Variants in PPDPFL observed in about 807,000 individuals in gnomAD.
PPDPFL encodes the protein pancreatic progenitor cell differentiation and proliferation factor like.
Under a neutral mutation model 12.6 loss-of-function variants are expected in PPDPFL, and 12 were observed. That is an observed-to-expected ratio of 0.95 (90% CI 0.61 to 1.54). The LOEUF (loss-of-function observed/expected upper bound fraction) is 1.54. PPDPFL is among the 40% of genes most tolerant of loss of function. The pLI, the probability that PPDPFL is intolerant of heterozygous loss-of-function variation, is 0.00. For missense variants in PPDPFL, 114 were observed against 96.0 expected (o/e 1.19, Z -0.78); for synonymous variants, 24 against 32.7 (o/e 0.73, Z 0.91).
At chr8:49,058,024 T>A (rs1055744122) in intron 1 of PPDPFL, among the ~76,000 whole-genome samples, 2 of 152,192 alleles carry the variant, frequency 1.3e-5, no homozygotes, top group Admixed American at 6.5e-5. Context: ...CTGTTTTCCT[T>A]ACCTCAGCAC....
chr8:49,067,266 CAG>C (rs1808314114), intron 1 of PPDPFL, among the ~76,000 whole-genome samples: 1 of 152,116 alleles, frequency 6.6e-6, no homozygotes, highest in African/African-American at 2.4e-5. Flanking sequence ...TGAAATGAAA[CAG>C]TGTTTTAATG....
At chr8:49,069,511 A>G (rs1808346453), upstream of PPDPFL, among the ~76,000 whole-genome samples, 1 of 152,266 alleles carries the variant, frequency 6.6e-6, no homozygotes, top group African/African-American at 2.4e-5. Context: ...GGTTGCAGAG[A>G]AAAAGGAACG....
chr8:49,066,602 C>T (rs1585673460), intron 1 of PPDPFL, among the ~76,000 whole-genome samples: 1 of 152,268 alleles, frequency 6.6e-6, no homozygotes, highest in East Asian at 1.9e-4. Context: ...GAGCCCCAGT[C>T]TCTCATCCCC....
At chr8:49,057,335 C>T (rs1010725301) in intron 1 of PPDPFL, among the ~76,000 whole-genome samples, 3 of 152,018 alleles carry the variant, frequency 2.0e-5, no homozygotes, top group African/African-American at 7.2e-5. Flanking sequence ...CCTAATAAGC[C>T]ATAAGCACTT....
chr8:49,064,739 A>G (rs917432534), intron 1 of PPDPFL, among the ~76,000 whole-genome samples: 2 of 152,206 alleles, frequency 1.3e-5, no homozygotes, highest in African/African-American at 2.4e-5. Flanking sequence ...AATCAGATGC[A>G]CTCTGCATTT....
At chr8:49,058,073 A>G (rs1425379361) in intron 1 of PPDPFL, among the ~76,000 whole-genome samples, 1 of 152,206 alleles carries the variant, frequency 6.6e-6, no homozygotes, top group Non-Finnish European at 1.5e-5. Flanking sequence ...CACCTCCTAC[A>G]TTTTATTAGC....
rs537803862 is a variant in PPDPFL, at chr8:49,075,530, T to A, written c.*357T>A. The A allele has an allele frequency of 9.5e-5, 48 of 507,312 alleles. No individual in the cohort carries two copies. The highest frequency in any genetic ancestry group is 8.8e-4 in the African/African-American group (46 of 52,288). 31.4% of individuals were successfully genotyped at this position (507,312 alleles called of 1,614,324 possible). ...CCTTTTAAAGTAATATGTCTTCAAATGTTGTGACTTACATAAAGTAGCTCT... is the reference window on the plus strand; with the variant it reads ...CCTTTTAAAGTAATATGTCTTCAAAAGTTGTGACTTACATAAAGTAGCTCT... On this transcript the variant is annotated 3_prime_UTR_variant, in exon 5 of 5. Transcript: ENST00000522267.
chr8:49,063,622 G>A (rs780895399), intron 1 of PPDPFL, among the ~76,000 whole-genome samples: 1 of 152,034 alleles, frequency 6.6e-6, no homozygotes, highest in Non-Finnish European at 1.5e-5. Context: ...TGAGGCTCAG[G>A]CAAGAAGATC....
intron 1 of PPDPFL, among the ~76,000 whole-genome samples, chr8:49,056,930 T>G (rs1359431811): frequency 1.3e-5 from 2 of 152,142 alleles, no homozygotes; most frequent in African/African-American, 4.8e-5. Context: ...CCTTGCAAAA[T>G]TTTTCACCCT....
At chr8:49,068,478 C>T (rs572707063), upstream of PPDPFL, among the ~76,000 whole-genome samples, 1 of 152,242 alleles carries the variant, frequency 6.6e-6, no homozygotes, top group South Asian at 2.1e-4. Flanking sequence ...ACAACTGTGA[C>T]AGAATGCACA....
At chr8:49,059,228 G>A (rs1808157970) in intron 1 of PPDPFL, among the ~76,000 whole-genome samples, 1 of 152,104 alleles carries the variant, frequency 6.6e-6, no homozygotes, top group Non-Finnish European at 1.5e-5. Context: ...GATGTGGTGT[G>A]TTGTGGTGTG....
intron 1 of PPDPFL, among the ~76,000 whole-genome samples, chr8:49,061,441 C>T (rs540780082): frequency 5.9e-5 from 9 of 152,216 alleles, no homozygotes; most frequent in East Asian, 1.9e-4. Flanking sequence ...CACAGTTGGC[C>T]GTATTTTATT....
At chr8:49,065,725 C>A (rs999131725) in intron 1 of PPDPFL, among the ~76,000 whole-genome samples, 16 of 152,162 alleles carry the variant, frequency 1.1e-4, no homozygotes, top group African/African-American at 3.9e-4. Flanking sequence ...AATGACTGGG[C>A]CTGCTTAGCA....
At chr8:49,074,016 G>A (rs771822734) in intron 2 of PPDPFL, 43 bp from the exon 3 acceptor site, 1 of 1,331,452 alleles carries the variant, frequency 7.5e-7, no homozygotes, top group East Asian at 2.3e-5. Context: ...TGCTTGTCTG[G>A]TTGCCAGTTA....
rs550934468 is a variant in PPDPFL at position 49,074,638 on chromosome 8, T to C, written c.233+305T>C. The stretch of plus-strand genomic sequence containing the variant: ...AGAATCAGAGGAAAGGGTCTAAATT[T>C]GTTTTGCTCATACCTTCAGGAAAAG... On this transcript the variant is annotated intron_variant, in intron 4 of 4. Coordinates refer to ENST00000522267, the MANE Select transcript of PPDPFL (RefSeq NM_001256597.2). 5.4e-5 allele frequency: 83 copies of C among 1,532,074 alleles called. No homozygotes were observed. In the African/African-American group the frequency reaches 1.0e-3, roughly 19 times the overall value. 94.9% of individuals were successfully genotyped at this position (1,532,074 alleles called of 1,614,324 possible).
At position 49,072,947 on chromosome 8, in the gene PPDPFL, T is replaced by C. The variant is rs1808419870; in HGVS notation, c.55+62T>C. On this transcript the variant is annotated intron_variant, in intron 2 of 4. Transcript: ENST00000522267. The stretch of plus-strand genomic sequence containing the variant: ...ATGATTTGAGGTGATGTTTGTGGGA[T>C]ATTGTTAACACAGGTATCATGTTAC... 7 of 1,388,932 alleles carry C rather than the reference T, an allele frequency of 5.0e-6. No homozygotes were observed. In the South Asian group the frequency reaches 7.3e-5, roughly 15 times the overall value. 86.0% of individuals were successfully genotyped at this position (1,388,932 alleles called of 1,614,324 possible).
chr8:49,070,319 G>T (rs112995298), upstream of PPDPFL, among the ~76,000 whole-genome samples: 7 of 152,070 alleles, frequency 4.6e-5, no homozygotes, highest in African/African-American at 1.7e-4. Context: ...GGTAATGAAA[G>T]AATCTGTACA....
At chr8:49,074,581 A>G (rs778695600) in intron 4 of PPDPFL, 24 of 1,536,166 alleles carry the variant, frequency 1.6e-5, no homozygotes, top group East Asian at 2.4e-5. Context: ...TCATATGCCA[A>G]ACTGTGTCAT....
chr8:49,067,736 T>G (rs1458908238), upstream of PPDPFL, among the ~76,000 whole-genome samples: 1 of 152,252 alleles, frequency 6.6e-6, no homozygotes, highest in African/African-American at 2.4e-5. Flanking sequence ...ACTTAGTCTT[T>G]CTGAATCCTT....
Sources: gnomAD v4.1 joint callset for allele counts (sites outside exome capture counted in the v4.1 genomes callset) on GRCh38, gnomAD v4.1.1 for gene constraint, MANE v1.5 for transcripts, NCBI Gene and HGNC (gene_info 2026-07-23, HGNC 2026-07-21) for gene names.